GALNTL6: variants seen among roughly 807,000 people sequenced by gnomAD.
The protein encoded by GALNTL6 is polypeptide N-acetylgalactosaminyltransferase-like 6.
Under a neutral mutation model 73.7 loss-of-function variants are expected in GALNTL6, and 46 were observed. That is an observed-to-expected ratio of 0.62 (90% CI 0.49 to 0.80). The LOEUF is 0.80. Ranked by LOEUF, GALNTL6 falls within the 30% of genes least tolerant of loss-of-function variation. GALNTL6 has a pLI of 0.00. For missense variants in GALNTL6, 604 were observed against 755.0 expected (o/e 0.80, Z 2.34); for synonymous variants, 259 against 263.7 (o/e 0.98, Z 0.17).
At chr4:172,400,677 G>A (rs1164953494) in intron 5 of GALNTL6, among the ~76,000 whole-genome samples, 2 of 152,048 alleles carry the variant, frequency 1.3e-5, no homozygotes, top group African/African-American at 4.8e-5. Flanking sequence ...GGAGATGGGA[G>A]GAGAGCAAGA....
chr4:172,763,645 T>G (rs1410881529), intron 5 of GALNTL6, among the ~76,000 whole-genome samples: 1 of 152,240 alleles, frequency 6.6e-6, no homozygotes, highest in East Asian at 1.9e-4. Context: ...TCTATGGAGC[T>G]TGTTTAACAC....
At chr4:172,907,476 A>C (rs544413314) in intron 8 of GALNTL6, among the ~76,000 whole-genome samples, 1 of 152,328 alleles carries the variant, frequency 6.6e-6, no homozygotes, top group South Asian at 2.1e-4. Flanking sequence ...ATTCACCTTA[A>C]TAGTAAATTT....
chr4:171,884,567 GAGTC>G (rs963537020), intron 2 of GALNTL6, among the ~76,000 whole-genome samples: 14 of 151,498 alleles, frequency 9.2e-5, no homozygotes, highest in African/African-American at 2.7e-4. Flanking sequence ...TTGTCTGTTG[GAGTC>G]AGTCTGTTGA....
intron 2 of GALNTL6, among the ~76,000 whole-genome samples, chr4:172,166,240 C>T (rs539590206): frequency 1.0e-3 from 155 of 152,062 alleles, no homozygotes; most frequent in African/African-American, 3.3e-3. Context: ...AGGTGGATCA[C>T]GAGGTGAGGA....
At chr4:172,524,351 C>G (rs957435424) in intron 5 of GALNTL6, among the ~76,000 whole-genome samples, 27 of 151,956 alleles carry the variant, frequency 1.8e-4, no homozygotes, top group African/African-American at 6.5e-4. Flanking sequence ...CTAGTTCAAG[C>G]GATTCTCCTG....
chr4:172,637,402 C>A (rs542841446), intron 5 of GALNTL6, among the ~76,000 whole-genome samples: 3 of 152,200 alleles, frequency 2.0e-5, no homozygotes, highest in African/African-American at 7.2e-5. Flanking sequence ...TTCAACCATT[C>A]CTGTCATGGA....
At chr4:172,128,750 A>G (rs1733373106) in intron 2 of GALNTL6, among the ~76,000 whole-genome samples, 1 of 152,338 alleles carries the variant, frequency 6.6e-6, no homozygotes, top group East Asian at 1.9e-4. Flanking sequence ...TGGATTTTTA[A>G]TAACCAATCT....
At chr4:172,267,314 G>A (rs1482319512) in intron 3 of GALNTL6, among the ~76,000 whole-genome samples, 1 of 152,064 alleles carries the variant, frequency 6.6e-6, no homozygotes, top group East Asian at 1.9e-4. Context: ...AAGTGAAGTA[G>A]ATTTAAGGAG....
chr4:172,473,827 T>C (rs992904292), intron 5 of GALNTL6, among the ~76,000 whole-genome samples: 2 of 152,162 alleles, frequency 1.3e-5, no homozygotes, highest in Non-Finnish European at 2.9e-5. Context: ...CAAATTGATA[T>C]CTCCATTCTC....
chr4:172,097,361 G>A (rs1732384666), intron 2 of GALNTL6, among the ~76,000 whole-genome samples: 1 of 152,160 alleles, frequency 6.6e-6, no homozygotes, highest in African/African-American at 2.4e-5. Context: ...CACACAGGAT[G>A]CAACCAGAAA....
chr4:172,485,740 G>T (rs1222574236), intron 5 of GALNTL6, among the ~76,000 whole-genome samples: 1 of 152,100 alleles, frequency 6.6e-6, no homozygotes, highest in Non-Finnish European at 1.5e-5. Context: ...ATGTCCTGGG[G>T]CATTGTTTTG....
At chr4:172,907,515 CAT>C (rs1746964292) in intron 8 of GALNTL6, among the ~76,000 whole-genome samples, 1 of 151,684 alleles carries the variant, frequency 6.6e-6, no homozygotes, top group South Asian at 2.1e-4. Flanking sequence ...CTACAGATAA[CAT>C]AAAAGCATTT....
chr4:172,231,811 A>T (rs1737079503), intron 3 of GALNTL6, among the ~76,000 whole-genome samples: 1 of 152,090 alleles, frequency 6.6e-6, no homozygotes, highest in Non-Finnish European at 1.5e-5. Context: ...TGTACAAATG[A>T]GTTTTGAATA....
chr4:172,496,615 C>T lies in GALNTL6; in HGVS notation c.553+147926C>T, dbSNP rs183148163. Among the ~76,000 whole-genome samples, 755 of 152,118 alleles carry T rather than the reference C, an allele frequency of 5.0e-3. 5 individuals carry two copies. The highest frequency in any genetic ancestry group is 6.6e-3 in the Non-Finnish European group (451 of 67,978). ...GGGGGATCACTTGAACCCAGGAGTT[C>T]GAGGCTGCAGTGAGTTATGATCAGG... On this transcript the variant is annotated intron_variant, in intron 5 of 12. Transcript: ENST00000506823.
chr4:172,399,689 G>A (rs7677902), intron 5 of GALNTL6, among the ~76,000 whole-genome samples: 136,091 of 152,132 alleles, frequency 0.89, 60,891 homozygotes, highest in African/African-American at 0.93. Context: ...TTCAATCTCC[G>A]TATGATTTTG....
intron 5 of GALNTL6, chr4:172,668,466 A>G (rs563758116): frequency 6.6e-6 from 1 of 152,306 alleles, no homozygotes; most frequent in East Asian, 1.9e-4. Flanking sequence ...AGCCGATGTG[A>G]ATTTAGGCCA....
chr4:172,889,776 A>C (rs1319743766), intron 8 of GALNTL6, among the ~76,000 whole-genome samples: 1 of 152,088 alleles, frequency 6.6e-6, no homozygotes, highest in Admixed American at 6.6e-5. Context: ...TCATGGAATG[A>C]GTTAGAGAGG....
chr4:172,637,010 A>T (rs1170090849), intron 5 of GALNTL6, among the ~76,000 whole-genome samples: 2 of 152,144 alleles, frequency 1.3e-5, no homozygotes, highest in African/African-American at 4.8e-5. Flanking sequence ...GAACAGTAAA[A>T]CATATTTCCA....
At chr4:172,831,664 A>G (rs73871870) in intron 7 of GALNTL6, among the ~76,000 whole-genome samples, 185 of 152,312 alleles carry the variant, frequency 1.2e-3, no homozygotes, top group African/African-American at 4.3e-3. Context: ...GGGCCTTGCT[A>G]TGACCTAAGT....
Sources: allele counts gnomAD v4.1 joint callset (sites outside exome capture counted in the v4.1 genomes callset), GRCh38; gene constraint gnomAD v4.1.1; transcripts MANE v1.5; gene names NCBI Gene and HGNC (gene_info 2026-07-23, HGNC 2026-07-21).